AKAP9: variants seen among roughly 807,000 people sequenced by gnomAD.
AKAP9 encodes the protein A-kinase anchoring protein 9, also known as A-kinase anchor protein 9.
A neutral mutation model predicts 488.5 loss-of-function variants in AKAP9; 311 were observed. The ratio of observed to expected loss-of-function variants is 0.64; its 90% CI spans 0.58 to 0.70. The LOEUF (loss-of-function observed/expected upper bound fraction) is 0.70, where lower values mean the gene tolerates loss of function less well. AKAP9 is among the 30% of genes least tolerant of loss of function. AKAP9 has a pLI of 0.00. For missense variants in AKAP9, 4,215 were observed against 4,374.5 expected (o/e 0.96, Z 1.03); for synonymous variants, 1,462 against 1,483.5 (o/e 0.99, Z 0.33).
intron 49 of AKAP9, among the ~76,000 whole-genome samples, chr7:92,109,854 G>A (rs576600814): frequency 1.2e-4 from 18 of 152,234 alleles, no homozygotes; most frequent in African/African-American, 4.3e-4. Context: ...AGGAGGCTGA[G>A]GCAGGAGAAT....
At position 92,002,829 on chromosome 7, in the gene AKAP9, G is replaced by A; in HGVS notation, c.2912G>A (p.Gly971Asp). The change falls in exon 8 of 50, where the codon GGT (glycine) becomes GAT (aspartate). Residue 971 changes from glycine to aspartate, a missense_variant. Gly to Asp is a moderately conservative substitution (Grantham distance 94). Around this residue, in one of 5 missense-constraint regions of AKAP9, gnomAD observed 2,361 missense variants for 2,430.0 expected, o/e 0.97. Transcript: ENST00000356239. The stretch of plus-strand genomic sequence containing the variant: ...TCTGAACAATTGAAACAGAAACATG[G>A]TGAGATTAGTTTTCTAAATGAAGAA... ...DLSEQLKQKH[G>D]EISFLNEEVK... is the part of the protein sequence containing the mutation. The A allele has an allele frequency of 1.2e-6, 2 of 1,613,594 alleles. No homozygotes were observed. The highest frequency in any genetic ancestry group is 1.7e-6 in the Non-Finnish European group (2 of 1,179,702).
At chr7:92,089,867 G>A in intron 38 of AKAP9, 1 of 175,166 alleles carries the variant, frequency 5.7e-6, no homozygotes, top group Non-Finnish European at 1.2e-5. Context: ...AATCCACAAT[G>A]CATGTAACTA....
intron 4 of AKAP9, 99 bp from the exon 5 acceptor site, chr7:91,992,786 T>C: frequency 9.0e-7 from 1 of 1,105,466 alleles, no homozygotes; most frequent in Admixed American, 2.0e-5. Context: ...TGGTGAGTGA[T>C]GTTTTAAAGT....
chr7:91,952,209 T>G (rs1792343328), intron 1 of AKAP9, among the ~76,000 whole-genome samples: 1 of 152,194 alleles, frequency 6.6e-6, no homozygotes, highest in South Asian at 2.1e-4. Flanking sequence ...CACATTCGAG[T>G]AGAAAGTCAA....
intron 31 of AKAP9, 149 bp downstream of exon 31, chr7:92,080,301 G>C (rs1813297065): frequency 1.3e-6 from 1 of 773,638 alleles, no homozygotes; most frequent in African/African-American, 1.8e-5. Context: ...ATAAACTCTT[G>C]TTAAAAGAAA....
chr7:91,978,533 T>C (rs1398865090), intron 2 of AKAP9, among the ~76,000 whole-genome samples: 1 of 152,170 alleles, frequency 6.6e-6, no homozygotes, highest in African/African-American at 2.4e-5. Flanking sequence ...TGACTCTTTC[T>C]ACTACTTCTT....
chr7:92,102,919 CTATATT>C (rs1165541723), intron 46 of AKAP9, 93 bp downstream of exon 46: 83 of 1,128,454 alleles, frequency 7.4e-5, no homozygotes, highest in African/African-American at 1.1e-4. Context: ...TGGTTATACT[CTATATT>C]TATATAGTAG....
chr7:91,986,993 T>C (rs1285540625), intron 3 of AKAP9, among the ~76,000 whole-genome samples: 1 of 152,120 alleles, frequency 6.6e-6, no homozygotes, highest in East Asian at 1.9e-4. Flanking sequence ...TTTGGAAAGA[T>C]ACTTATTCTT....
At chr7:91,970,077 T>C (rs1238703279) in intron 1 of AKAP9, among the ~76,000 whole-genome samples, 1 of 152,140 alleles carries the variant, frequency 6.6e-6, no homozygotes, top group Non-Finnish European at 1.5e-5. Context: ...AGTGAATTTA[T>C]TATAGTTTTT....
chr7:91,989,106 T>C (rs558564127), intron 3 of AKAP9, among the ~76,000 whole-genome samples: 171 of 149,214 alleles, frequency 1.1e-3, no homozygotes, highest in Middle Eastern at 6.8e-3. Context: ...TTCTTTACAC[T>C]ACATTTATAT....
chr7:91,972,710 G>A (rs1042674132), intron 1 of AKAP9, among the ~76,000 whole-genome samples: 1 of 152,160 alleles, frequency 6.6e-6, no homozygotes, highest in Non-Finnish European at 1.5e-5. Flanking sequence ...TGGTGCAAAA[G>A]CAATTGCAGT....
intron 1 of AKAP9, among the ~76,000 whole-genome samples, chr7:91,943,737 T>C (rs926643533): frequency 6.6e-6 from 1 of 152,258 alleles, no homozygotes; most frequent in Non-Finnish European, 1.5e-5. Flanking sequence ...GAATGATTAA[T>C]GAGTCATTAA....
chr7:92,084,759 T>A, intron 34 of AKAP9, 56 bp downstream of exon 34: 1 of 1,608,082 alleles, frequency 6.2e-7, no homozygotes, highest in Non-Finnish European at 8.5e-7. Flanking sequence ...AATAATAGTT[T>A]TTTGGGGACT....
chr7:92,045,391 G>A (rs1416694872), intron 21 of AKAP9, among the ~76,000 whole-genome samples, 178 bp downstream of exon 21: 1 of 152,182 alleles, frequency 6.6e-6, no homozygotes, highest in Non-Finnish European at 1.5e-5. Flanking sequence ...GCATTTGCAA[G>A]TGGGTATCAT....
rs114293637 is a variant in AKAP9, at chr7:92,030,207, T to C, written c.4245+216T>C. Among the ~76,000 whole-genome samples the C allele has an allele frequency of 0.014, 2,192 of 152,246 alleles. 44 individuals carry two copies. The highest frequency in any genetic ancestry group is 0.05 in the African/African-American group (2,086 of 41,532). On this transcript the variant is annotated intron_variant, in intron 15 of 49. Transcript: ENST00000356239. ...ACACAGAGGAAGTTAAGTTTGGGGG[T>C]TATATTTCCCTTAAATATGTTATAG...
At chr7:91,959,705 C>A (rs1001834685) in intron 1 of AKAP9, among the ~76,000 whole-genome samples, 1 of 151,942 alleles carries the variant, frequency 6.6e-6, no homozygotes, top group Non-Finnish European at 1.5e-5. Context: ...TTAGACATGA[C>A]GGTGGTCCAA....
intron 1 of AKAP9, among the ~76,000 whole-genome samples, chr7:91,942,698 T>C (rs532594554): frequency 2.0e-5 from 3 of 152,360 alleles, no homozygotes; most frequent in Admixed American, 6.5e-5. Flanking sequence ...CATTTCATAA[T>C]AGAGGATTTA....
At chr7:92,021,075 A>G (rs542386251) in intron 12 of AKAP9, among the ~76,000 whole-genome samples, 3 of 152,188 alleles carry the variant, frequency 2.0e-5, no homozygotes, top group Non-Finnish European at 4.4e-5. Flanking sequence ...ATCATTGTCA[A>G]TTATGGCATA....
rs778681643 is a variant in AKAP9 at position 92,065,441 on chromosome 7, A to G, written c.6188A>G (p.Glu2063Gly). Residue 2063 changes from glutamate (E) to glycine (G), a missense_variant, in exon 25 of 50, where the codon GAA (glutamate) becomes GGA (glycine). Glu to Gly is a moderately conservative substitution (Grantham distance 98, BLOSUM62 -2). Transcript: ENST00000356239. ...AACCAAGCATTGGAAAAGCAGTTAG[A>G]AAAAATGAGAAAATTTTTAGATGTA... is the stretch of plus-strand genomic sequence containing the variant. ...QQNQALEKQL[E>G]KMRKFLDEQA... The G allele has an allele frequency of 3.7e-6, 6 of 1,611,618 alleles. No individual in the cohort carries two copies. The highest frequency in any genetic ancestry group is 5.1e-6 in the Non-Finnish European group (6 of 1,178,654).
Sources: gnomAD v4.1 joint callset for allele counts (sites outside exome capture counted in the v4.1 genomes callset) on GRCh38, gnomAD v4.1.1 for gene constraint, gnomAD v4.1.1 regional missense constraint, MANE v1.5 for transcripts, NCBI Gene and HGNC (gene_info 2026-07-23, HGNC 2026-07-21) for gene names.